The following ZNF438 variants were observed in gnomAD, a reference collection of about 807,000 sequenced individuals.
The protein encoded by ZNF438 is zinc finger protein 438.
In ZNF438, 25 loss-of-function variants were observed where a neutral mutation model predicts 38.0. That is an observed-to-expected ratio of 0.66 (90% CI 0.48 to 0.92). The LOEUF is 0.92. ZNF438 is among the 40% of genes least tolerant of loss of function. ZNF438 has a pLI of 0.00. For synonymous variants in ZNF438, 372 were observed against 364.1 expected, an observed-to-expected ratio of 1.02 and a Z score of -0.25; for missense variants, 1,007 against 999.6, an observed-to-expected ratio of 1.01 and a Z score of -0.10.
intron 2 of ZNF438, among the ~76,000 whole-genome samples, chr10:30,911,326 A>G (rs1364127184): frequency 3.9e-5 from 6 of 152,174 alleles, no homozygotes; most frequent in Admixed American, 6.5e-5. Context: ...CCAGTTGAAG[A>G]GCCTTGCTGG....
chr10:30,931,620 C>T (rs932420371), intron 2 of ZNF438, among the ~76,000 whole-genome samples: 3 of 152,158 alleles, frequency 2.0e-5, no homozygotes, highest in African/African-American at 4.8e-5. Flanking sequence ...TGAATATTCA[C>T]GTCTTCAAGG....
intron 3 of ZNF438, among the ~76,000 whole-genome samples, chr10:30,885,145 G>A (rs978779050): frequency 6.6e-6 from 1 of 151,908 alleles, no homozygotes; most frequent in Non-Finnish European, 1.5e-5. Context: ...AATAAATTTG[G>A]CCAGGATAAC....
At chr10:30,973,743 C>T (rs3006579) in intron 1 of ZNF438, among the ~76,000 whole-genome samples, 114,886 of 152,194 alleles carry the variant, frequency 0.75, 44,435 homozygotes, top group African/African-American at 0.91. Context: ...TGTGCTGTTC[C>T]GGTGGCTCTT....
At position 30,914,632 on chromosome 10, in the gene ZNF438, A is replaced by G. The variant is rs114503241; in HGVS notation, c.-114-5617T>C. 4.0e-3 allele frequency among the ~76,000 whole-genome samples: 614 copies of G among 152,140 alleles called. 12 individuals carry two copies. Among genetic ancestry groups the G allele is most frequent in the African/African-American group, 0.014 (577 of 41,510 alleles). On this transcript the variant is annotated intron_variant, in intron 2 of 5. Coordinates refer to ENST00000413025, the Ensembl canonical transcript of ZNF438. Reference sequence around the variant, plus strand: ...CCAAACTTAAAAGTGTCATTAAAAAACAGCTTTAAAGTGGTTTCACAGCAT... The same window carrying G: ...CCAAACTTAAAAGTGTCATTAAAAAGCAGCTTTAAAGTGGTTTCACAGCAT...
chr10:30,895,537 TG>T (rs1224044528), intron 3 of ZNF438, among the ~76,000 whole-genome samples: 1 of 152,182 alleles, frequency 6.6e-6, no homozygotes, highest in African/African-American at 2.4e-5. Context: ...AAAACTTCCA[TG>T]TATCAACAGA....
intron 4 of ZNF438, among the ~76,000 whole-genome samples, chr10:30,856,588 C>G (rs1288074588): frequency 6.6e-6 from 1 of 152,140 alleles, no homozygotes; most frequent in Admixed American, 6.5e-5. Flanking sequence ...CACCTGCACC[C>G]ACTAAATTAC....
intron 3 of ZNF438, among the ~76,000 whole-genome samples, chr10:30,886,071 G>A (rs1359757333): frequency 1.6e-4 from 24 of 152,188 alleles, no homozygotes; most frequent in Admixed American, 1.6e-3. Flanking sequence ...TGGACTGGAT[G>A]CTATATAACT....
At chr10:30,913,807 T>G (rs2043309261) in intron 2 of ZNF438, among the ~76,000 whole-genome samples, 1 of 152,110 alleles carries the variant, frequency 6.6e-6, no homozygotes, top group Non-Finnish European at 1.5e-5. Context: ...AACAAGGAAC[T>G]TCTCTTGTAT....
At chr10:30,965,651 T>TAC (rs1564752063) in intron 1 of ZNF438, among the ~76,000 whole-genome samples, 7 of 152,114 alleles carry the variant, frequency 4.6e-5, no homozygotes, top group Non-Finnish European at 1.0e-4. Context: ...TGAATTAACT[T>TAC]AGGAACAGAA....
At chr10:30,849,017 C>T in exon 5 of ZNF438, 3 of 1,614,128 alleles carry the variant, frequency 1.9e-6, no homozygotes, top group South Asian at 1.1e-5. Flanking sequence ...CTGTCCTAGG[C>T]CCCCAAGCAT....
At chr10:31,010,930 T>A (rs2055636588) in intron 1 of ZNF438, among the ~76,000 whole-genome samples, 1 of 127,598 alleles carries the variant, frequency 7.8e-6, no homozygotes, top group Non-Finnish European at 1.6e-5. Context: ...AAAGATTTTG[T>A]TGAGAAGGAC....
intron 1 of ZNF438, among the ~76,000 whole-genome samples, chr10:31,001,490 CTGA>C (rs999403255): frequency 1.3e-5 from 2 of 152,066 alleles, no homozygotes; most frequent in African/African-American, 4.8e-5. Flanking sequence ...GAGGTTAATT[CTGA>C]TGAGAAGAGA....
At chr10:31,014,836 G>T (rs1394475957) in intron 1 of ZNF438, among the ~76,000 whole-genome samples, 1 of 78,362 alleles carries the variant, frequency 1.3e-5, no homozygotes, top group Non-Finnish European at 2.7e-5. Context: ...ATATATAAAT[G>T]TGTGTGTATG....
intron 4 of ZNF438, among the ~76,000 whole-genome samples, chr10:30,855,315 G>C (rs2034430478): frequency 6.6e-6 from 1 of 152,172 alleles, no homozygotes; most frequent in African/African-American, 2.4e-5. Flanking sequence ...GCCAAACTGA[G>C]TCCGTGCTCC....
intron 4 of ZNF438, among the ~76,000 whole-genome samples, chr10:30,855,756 A>G (rs568621384): frequency 6.6e-6 from 1 of 152,382 alleles, no homozygotes; most frequent in African/African-American, 2.4e-5. Context: ...AATACTCTCC[A>G]AGATGGGAGA....
chr10:30,889,983 T>C (rs1411586406), intron 3 of ZNF438, among the ~76,000 whole-genome samples: 2 of 152,034 alleles, frequency 1.3e-5, no homozygotes, highest in South Asian at 2.1e-4. Flanking sequence ...CTGAAAATAC[T>C]TTGTAAAAAA....
chr10:30,984,609 T>C (rs2052569633), intron 1 of ZNF438, among the ~76,000 whole-genome samples, 183 bp from the exon 2 acceptor site: 1 of 152,094 alleles, frequency 6.6e-6, no homozygotes. Flanking sequence ...AGTTTAAAAA[T>C]GAAAGCATGC....
At chr10:30,905,669 C>T (rs949298128) in intron 3 of ZNF438, among the ~76,000 whole-genome samples, 1 of 152,128 alleles carries the variant, frequency 6.6e-6, no homozygotes, top group African/African-American at 2.4e-5. Context: ...TCTAAGAAAC[C>T]ACTGCCTATC....
intron 1 of ZNF438, among the ~76,000 whole-genome samples, chr10:30,946,182 C>T (rs967082115): frequency 1.3e-5 from 2 of 151,876 alleles, no homozygotes; most frequent in Admixed American, 1.3e-4. Flanking sequence ...ACACCTTATA[C>T]AAAAATCAAT....
Sources: allele counts gnomAD v4.1 joint callset (sites outside exome capture counted in the v4.1 genomes callset), GRCh38; gene constraint gnomAD v4.1.1; transcripts MANE v1.5; gene names NCBI Gene and HGNC (gene_info 2026-07-23, HGNC 2026-07-21).